The following H2BC5 variants were observed in gnomAD, a reference collection of about 807,000 sequenced individuals.
H2BC5 encodes the protein histone H2B type 1-D.
A neutral mutation model predicts 5.7 loss-of-function variants in H2BC5; 9 were observed. The observed-to-expected ratio is 1.57, with a 90% CI of 0.95 to 2.74. The LOEUF (loss-of-function observed/expected upper bound fraction) is 2.74. Among genes scored for constraint, H2BC5 ranks in the 30% most tolerant of loss-of-function variants. The pLI, the probability that H2BC5 is intolerant of heterozygous loss-of-function variation, is 0.00. For missense variants in H2BC5, 175 were observed against 168.8 expected, an observed-to-expected ratio of 1.04 and a Z score of -0.20; for synonymous variants, 133 against 70.9, an observed-to-expected ratio of 1.88 and a Z score of -4.40.
In H2BC5 at chr6:26,158,484, G is replaced by C; in HGVS notation, c.315G>C (p.Gly105=). The C allele has an allele frequency of 6.2e-7, 1 of 1,614,258 alleles. No homozygotes were observed. Among genetic ancestry groups the C allele is most frequent in the Non-Finnish European group, 8.5e-7 (1 of 1,180,050 alleles). Residue 105 remains glycine, a synonymous_variant, in exon 1 of 1, where the codon GGG becomes GGC. Coordinates refer to ENST00000377777, the MANE Select transcript of H2BC5 (RefSeq NM_021063.4). The stretch of plus-strand genomic sequence containing the variant: ...CGGCCGTGCGCCTGCTGCTTCCGGG[G>C]GAGCTGGCCAAGCACGCCGTGTCGG... ...IQTAVRLLLP[G]ELAKHAVSEG...
chr6:26,166,714 T>TTTTTTTTA, intron 1 of H2BC5, among the ~76,000 whole-genome samples: 1 of 134,380 alleles, frequency 7.4e-6, no homozygotes, highest in East Asian at 2.0e-4. Flanking sequence ...TTTTTTTTTT[T>TTTTTTTTA]TTTGACACGG....
At position 26,158,223 on chromosome 6, in the gene H2BC5, G is replaced by GGT; in HGVS notation, c.56_57dup (p.Thr20Ter). On this transcript the variant is annotated frameshift_variant, in exon 1 of 1. Coordinates refer to ENST00000377777, the MANE Select transcript of H2BC5 (RefSeq NM_021063.4). LOFTEE classifies it high-confidence loss of function. ...CCCCAAAGAAGGGCTCCAAGAAGGCGGTGACTAAGGCTCAGAAGAAGGACG... is the reference window on the plus strand; with the variant it reads ...CCCCAAAGAAGGGCTCCAAGAAGGCGGTGTGACTAAGGCTCAGAAGAAGGACG... 1 of 1,614,224 alleles carries GGT rather than the reference G, an allele frequency of 6.2e-7. No homozygotes were observed. The highest frequency in any genetic ancestry group is 8.5e-7 in the Non-Finnish European group (1 of 1,180,042).
At chr6:26,158,648 G>A, downstream of H2BC5, 7 of 1,531,374 alleles carry the variant, frequency 4.6e-6, no homozygotes, top group South Asian at 1.3e-5. Flanking sequence ...ATTCAAAAGG[G>A]GGGTTATTGG....
chr6:26,167,049 C>CTTTTTTTTTTTTTTTTTT (rs149341201), intron 1 of H2BC5, among the ~76,000 whole-genome samples: 52 of 97,010 alleles, frequency 5.4e-4, no homozygotes, highest in South Asian at 1.2e-3. Flanking sequence ...TTTGTTTTCT[C>CTTTTTTTTTTTTTTTTTT]TTTTTTTTTT....
intron 1 of H2BC5, among the ~76,000 whole-genome samples, chr6:26,168,463 A>ATT (rs1292787169): frequency 2.0e-5 from 3 of 151,896 alleles, no homozygotes; most frequent in African/African-American, 7.2e-5. Context: ...CATTTTTTAA[A>ATT]AAAAAAAAAT....
chr6:26,159,629 G>C (rs899605153), downstream of H2BC5, among the ~76,000 whole-genome samples: 1 of 152,282 alleles, frequency 6.6e-6, no homozygotes, highest in African/African-American at 2.4e-5. Context: ...TGAAAAATGT[G>C]AGATGGATGA....
chr6:26,163,108 C>G (rs1371422166), downstream of H2BC5, among the ~76,000 whole-genome samples: 1 of 144,174 alleles, frequency 6.9e-6, no homozygotes, highest in Non-Finnish European at 1.5e-5. Context: ...TGCATAAAAT[C>G]ATTCTATGAT....
chr6:26,170,140 C>T (rs993123957), intron 1 of H2BC5, among the ~76,000 whole-genome samples: 1 of 152,176 alleles, frequency 6.6e-6, no homozygotes, highest in Non-Finnish European at 1.5e-5. Context: ...AATGTCACCA[C>T]ATCTGAGAGG....
rs1308808925 is a variant in H2BC5, at chr6:26,158,602, C to T, written c.*52C>T. Reference sequence around the variant, plus strand: ...TAATCCCAAAGGCTCTTTTAAGAGCCACGCATGTTTTCAATAAATGAGTTG... The same window carrying T: ...TAATCCCAAAGGCTCTTTTAAGAGCTACGCATGTTTTCAATAAATGAGTTG... On this transcript the variant is annotated 3_prime_UTR_variant, in exon 1 of 1. Coordinates refer to ENST00000377777, the MANE Select transcript of H2BC5 (RefSeq NM_021063.4). The T allele has an allele frequency of 1.3e-6, 2 of 1,594,530 alleles. No individual in the cohort carries two copies. The highest frequency in any genetic ancestry group is 1.7e-6 in the Non-Finnish European group (2 of 1,171,402).
Position 26,158,556 on chromosome 6 carries a change from C to G in H2BC5, c.*6C>G, listed in dbSNP as rs755042577. 1.2e-6 allele frequency: 2 copies of G among 1,614,054 alleles called. No individual in the cohort carries two copies. The highest frequency in any genetic ancestry group is 1.7e-5 in the Admixed American group (1 of 59,968). ...AGTACACCAGTTCCAAGTAACTTTG[C>G]CAAGTAAGCATCTTTACACCTAATC... On this transcript the variant is annotated 3_prime_UTR_variant, in exon 1 of 1. Coordinates refer to ENST00000377777, the MANE Select transcript of H2BC5 (RefSeq NM_021063.4).
At position 26,158,529 on chromosome 6, in the gene H2BC5, C is replaced by T; in HGVS notation, c.360C>T (p.Thr120=). The T allele has an allele frequency of 1.9e-6, 3 of 1,614,250 alleles. No individual in the cohort carries two copies. Among genetic ancestry groups the T allele is most frequent in the Admixed American group, 1.7e-5 (1 of 60,026 alleles). ...HAVSEGTKAV[T]KYTSSK is the part of the protein sequence containing the mutation. ...TGTCGGAGGGCACCAAGGCCGTCAC[C>T]AAGTACACCAGTTCCAAGTAACTTT... The change falls in exon 1 of 1, where the codon ACC becomes ACT. Residue 120 remains threonine, a synonymous_variant. Coordinates refer to ENST00000377777, the MANE Select transcript of H2BC5 (RefSeq NM_021063.4).
At chr6:26,167,989 CA>C (rs201344666) in intron 1 of H2BC5, among the ~76,000 whole-genome samples, 167 of 147,754 alleles carry the variant, frequency 1.1e-3, no homozygotes, top group Middle Eastern at 3.4e-3. Context: ...TTTAAAAGGA[CA>C]AAAAAAAAGC....
chr6:26,161,321 A>G (rs1180640145), downstream of H2BC5: 1 of 152,238 alleles, frequency 6.6e-6, no homozygotes, highest in Non-Finnish European at 1.5e-5. Flanking sequence ...TAGAAAATAA[A>G]CATGTAATTA....
rs141315175 is a variant in H2BC5 at position 26,170,366 on chromosome 6, C to G, written c.*10-609C>G. Among the ~76,000 whole-genome samples the G allele has an allele frequency of 1.2e-4, 18 of 152,238 alleles. No homozygotes were observed. The East Asian group carries it at 2.3e-3, about 20-fold the overall frequency. ...GGCTGTTCCAGGCACATGGCAGACTCTCAAAACGTATTTGCAGCATGACAT... is the reference window on the plus strand; with the variant it reads ...GGCTGTTCCAGGCACATGGCAGACTGTCAAAACGTATTTGCAGCATGACAT... On this transcript the variant is annotated intron_variant, in intron 1 of 1. Coordinates refer to the H2BC5 transcript ENST00000289316.
At chr6:26,159,253 T>G (rs866317784), downstream of H2BC5, among the ~76,000 whole-genome samples, 648 of 138,936 alleles carry the variant, frequency 4.7e-3, 11 homozygotes, top group African/African-American at 0.016. Flanking sequence ...GTTTTTTTTT[T>G]TTTTTTTTTT....
At chr6:26,164,212 CTCTCAG>C in intron 1 of H2BC5, 1 of 410,566 alleles carries the variant, frequency 2.4e-6, no homozygotes, top group Non-Finnish European at 5.0e-6. Context: ...AGCAGTGCCC[CTCTCAG>C]TCTCCCAGCA....
At chr6:26,158,717 G>C (rs1764286643), downstream of H2BC5, 9 of 1,128,930 alleles carry the variant, frequency 8.0e-6, no homozygotes, top group South Asian at 1.3e-4. Flanking sequence ...GAAATAACTT[G>C]GAAGTTACAG....
At chr6:26,167,627 T>C (rs1312957311) in intron 1 of H2BC5, among the ~76,000 whole-genome samples, 1 of 152,016 alleles carries the variant, frequency 6.6e-6, no homozygotes, top group Non-Finnish European at 1.5e-5. Context: ...GGGTTGTTTT[T>C]TTCAAAAAAG....
At chr6:26,168,685 A>G (rs1434232945) in intron 1 of H2BC5, among the ~76,000 whole-genome samples, 1 of 152,196 alleles carries the variant, frequency 6.6e-6, no homozygotes, top group Non-Finnish European at 1.5e-5. Flanking sequence ...AACAATTCAG[A>G]CTAAAATTGA....
Sources: allele counts gnomAD v4.1 joint callset (sites outside exome capture counted in the v4.1 genomes callset), GRCh38; gene constraint gnomAD v4.1.1; transcripts MANE v1.5; gene names NCBI Gene and HGNC (gene_info 2026-07-23, HGNC 2026-07-21).